The following USH2A variants were observed in gnomAD, a reference collection of about 807,000 sequenced individuals.
USH2A encodes usherin.
Under a neutral mutation model 538.9 loss-of-function variants are expected in USH2A, and 443 were observed. That is an observed-to-expected ratio of 0.82 (90% CI 0.76 to 0.89). The LOEUF (loss-of-function observed/expected upper bound fraction) is 0.89. Among genes scored for constraint, USH2A ranks in the 40% least tolerant of loss-of-function variants. The probability of loss-of-function intolerance (pLI) is 0.00; values close to 1 mark genes in which losing one functional copy is unlikely to be tolerated. For synonymous variants in USH2A, 2,413 were observed against 2,273.5 expected (o/e 1.06, Z -1.75); for missense variants, 6,633 against 6,324.8 (o/e 1.05, Z -1.65).
chr1:215,687,921 G>A (rs572155720), intron 61 of USH2A, among the ~76,000 whole-genome samples: 1 of 152,160 alleles, frequency 6.6e-6, no homozygotes, highest in East Asian at 1.9e-4. Context: ...TTACCTTCCC[G>A]AATTTTACAT....
chr1:215,769,001 T>C (rs967430679), intron 55 of USH2A, among the ~76,000 whole-genome samples: 2 of 152,204 alleles, frequency 1.3e-5, no homozygotes, highest in African/African-American at 4.8e-5. Context: ...GAGGCTACGA[T>C]GTTTATCACC....
chr1:216,350,505 T>C (rs2038261010), intron 4 of USH2A, among the ~76,000 whole-genome samples: 1 of 152,024 alleles, frequency 6.6e-6, no homozygotes, highest in African/African-American at 2.4e-5. Flanking sequence ...ATATTTCCAT[T>C]CCAAACGGGA....
At chr1:215,849,560 A>G (rs1663963428) in intron 44 of USH2A, among the ~76,000 whole-genome samples, 1 of 152,196 alleles carries the variant, frequency 6.6e-6, no homozygotes, top group South Asian at 2.1e-4. Flanking sequence ...AATGCAATAA[A>G]TAATTATGGA....
At chr1:216,058,674 T>C (rs572650957) in intron 30 of USH2A, among the ~76,000 whole-genome samples, 10 of 152,164 alleles carry the variant, frequency 6.6e-5, no homozygotes, top group South Asian at 2.1e-4. Context: ...TAAGTTGTGA[T>C]AGCTCTGTGC....
At chr1:216,337,176 G>A (rs550960716) in intron 4 of USH2A, among the ~76,000 whole-genome samples, 1 of 151,556 alleles carries the variant, frequency 6.6e-6, no homozygotes, top group South Asian at 2.1e-4. Flanking sequence ...TAATATTAAT[G>A]ATGACAATGA....
At chr1:215,647,848 T>G in intron 66 of USH2A, 118 bp from the exon 67 acceptor site, 1 of 1,214,844 alleles carries the variant, frequency 8.2e-7, no homozygotes, top group Admixed American at 2.0e-5. Context: ...CTACAGGCTC[T>G]TTAAAATTTC....
chr1:216,272,749 G>C (rs888409507), intron 11 of USH2A, among the ~76,000 whole-genome samples: 1 of 152,076 alleles, frequency 6.6e-6, no homozygotes, highest in Non-Finnish European at 1.5e-5. Context: ...TAGTGAGTAG[G>C]CAAAAAGTGA....
intron 27 of USH2A, 150 bp from the exon 28 acceptor site, chr1:216,073,450 GCCT>G (rs2031634808): frequency 1.3e-6 from 1 of 781,224 alleles, no homozygotes; most frequent in African/African-American, 1.7e-5. Context: ...AACCTTTTAT[GCCT>G]CCTACTTTTT....
chr1:215,888,753 C>T lies in USH2A; in HGVS notation c.7896G>A (p.Leu2632=), dbSNP rs111542004. The part of the protein sequence containing the change: ...GAPEGIPSPE[L]FSDTPTSVII... ...TCACAGATGTTGGAGTATCAGAGAA[C>T]AGCTCTGGACTTGGGATCCCTTCCG... Residue 2632 remains leucine (L), a synonymous_variant, in exon 41 of 72, where the codon CTG becomes CTA. Transcript: ENST00000307340. 14 of 1,614,136 alleles carry T rather than the reference C, an allele frequency of 8.7e-6. No homozygotes were observed. The African/African-American group carries it at 1.1e-4, about 12-fold the overall frequency.
At chr1:215,652,709 T>A (rs940103412) in intron 64 of USH2A, among the ~76,000 whole-genome samples, 2 of 152,150 alleles carry the variant, frequency 1.3e-5, no homozygotes, top group East Asian at 3.8e-4. Context: ...ACTGCAAATA[T>A]CTTTCTGGGA....
intron 3 of USH2A, among the ~76,000 whole-genome samples, chr1:216,410,258 A>G (rs2039465489): frequency 6.6e-6 from 1 of 152,168 alleles, no homozygotes; most frequent in Non-Finnish European, 1.5e-5. Flanking sequence ...TTGGGAGTGT[A>G]AATTACTTCA....
At chr1:216,150,922 A>G (rs2033819240) in intron 21 of USH2A, among the ~76,000 whole-genome samples, 1 of 152,176 alleles carries the variant, frequency 6.6e-6, no homozygotes, top group Non-Finnish European at 1.5e-5. Context: ...GCTCCATATT[A>G]CAGACAAGCC....
At chr1:216,000,610 T>C (rs1488487215) in intron 32 of USH2A, 48 bp from the exon 33 acceptor site, 1 of 1,607,786 alleles carries the variant, frequency 6.2e-7, no homozygotes, top group Non-Finnish European at 8.5e-7. Flanking sequence ...ATACTTCTTA[T>C]TGAGGAGATT....
chr1:216,122,119 T>C (rs1385744835), intron 21 of USH2A, among the ~76,000 whole-genome samples: 1 of 152,154 alleles, frequency 6.6e-6, no homozygotes, highest in Non-Finnish European at 1.5e-5. Context: ...AAGTCTGCAA[T>C]ATATCATGGA....
chr1:216,375,884 G>T (rs901997326), intron 3 of USH2A, among the ~76,000 whole-genome samples: 2 of 151,964 alleles, frequency 1.3e-5, no homozygotes, highest in East Asian at 1.9e-4. Context: ...CAATATTGTT[G>T]TGTCTCAGGG....
rs1409894438 is a variant in USH2A, at chr1:215,998,989, A to ATG, written c.6553_6554dup (p.Asp2186MetfsTer44). 1 of 1,613,068 alleles carries ATG rather than the reference A, an allele frequency of 6.2e-7. No individual in the cohort carries two copies. The highest frequency in any genetic ancestry group is 1.1e-5 in the South Asian group (1 of 91,038). ...AGATGACACTCCAAATTGTAAAATC[A>ATG]TGTGTATGGTTTGACATATATAATA... On this transcript the variant is annotated frameshift_variant, in exon 34 of 72. Transcript: ENST00000307340. LOFTEE classifies it high-confidence loss of function.
In USH2A at chr1:215,844,482, G is replaced by A; in HGVS notation, c.9070C>T (p.Leu3024Phe). 1 of 1,609,928 alleles carries A rather than the reference G, an allele frequency of 6.2e-7. No individual in the cohort carries two copies. Among genetic ancestry groups the A allele is most frequent in the Non-Finnish European group, 8.5e-7 (1 of 1,179,796 alleles). Reference protein sequence around the residue: ...TTCDGEPQGMLPPEVVIINST... With the variant: ...TTCDGEPQGMFPPEVVIINST... Reference sequence around the variant, plus strand: ...TTGATGATGACAACCTCTGGAGGAAGCATGCCCTGAGGCTCTAGAATTAAA... The same window carrying A: ...TTGATGATGACAACCTCTGGAGGAAACATGCCCTGAGGCTCTAGAATTAAA... The change falls in exon 46 of 72, where the codon CTT becomes TTT. Residue 3024 changes from leucine (L) to phenylalanine (F), a missense_variant. Transcript: ENST00000307340.
intron 3 of USH2A, among the ~76,000 whole-genome samples, chr1:216,397,363 A>C (rs1211397227): frequency 6.6e-6 from 1 of 152,104 alleles, no homozygotes; most frequent in African/African-American, 2.4e-5. Context: ...TATTAATTTG[A>C]CTGGATTGAG....
At chr1:216,209,360 A>T (rs1012306197) in intron 15 of USH2A, among the ~76,000 whole-genome samples, 1 of 152,204 alleles carries the variant, frequency 6.6e-6, no homozygotes, top group Non-Finnish European at 1.5e-5. Flanking sequence ...TTAGCAGCTG[A>T]AATCAACTAA....
Sources: gnomAD v4.1 joint callset for allele counts (sites outside exome capture counted in the v4.1 genomes callset) on GRCh38, gnomAD v4.1.1 for gene constraint, MANE v1.5 for transcripts, NCBI Gene and HGNC (gene_info 2026-07-23, HGNC 2026-07-21) for gene names.